PTPRO: variants seen among roughly 807,000 people sequenced by gnomAD.
PTPRO encodes receptor-type tyrosine-protein phosphatase O.
In PTPRO, 62 loss-of-function variants were observed where a neutral mutation model predicts 145.2. The ratio of observed to expected loss-of-function variants is 0.43; its 90% CI spans 0.35 to 0.53. The LOEUF is 0.53. PTPRO is among the 20% of genes least tolerant of loss of function. PTPRO has a pLI of 0.01. For synonymous variants in PTPRO, 565 were observed against 514.7 expected, an observed-to-expected ratio of 1.10 and a Z score of -1.32; for missense variants, 1,345 against 1,482.7, an observed-to-expected ratio of 0.91 and a Z score of 1.53.
intron 1 of PTPRO, among the ~76,000 whole-genome samples, chr12:15,467,663 C>T (rs11056507): frequency 0.51 from 77,316 of 152,036 alleles, 21,240 homozygotes; most frequent in Middle Eastern, 0.67. Context: ...TTAAGATTGG[C>T]TTAAAGTCTT....
At chr12:15,474,904 C>T (rs1306966265) in intron 1 of PTPRO, among the ~76,000 whole-genome samples, 1 of 152,200 alleles carries the variant, frequency 6.6e-6, no homozygotes, top group East Asian at 1.9e-4. Flanking sequence ...TTTAGGCGCA[C>T]TGCCTAGATC....
intron 17 of PTPRO, among the ~76,000 whole-genome samples, chr12:15,563,227 C>G (rs1943818654): frequency 6.6e-6 from 1 of 152,064 alleles, no homozygotes; most frequent in South Asian, 2.1e-4. Context: ...GTAGGTATGT[C>G]TGATGGGGGT....
At chr12:15,583,895 A>G (rs1201722503) in intron 23 of PTPRO, among the ~76,000 whole-genome samples, 1 of 152,100 alleles carries the variant, frequency 6.6e-6, no homozygotes, top group Non-Finnish European at 1.5e-5. Context: ...TGACCAGGAG[A>G]ATTCAGGCAA....
At chr12:15,468,930 T>C (rs951287420) in intron 1 of PTPRO, among the ~76,000 whole-genome samples, 1 of 152,234 alleles carries the variant, frequency 6.6e-6, no homozygotes, top group African/African-American at 2.4e-5. Context: ...CTATTTGCTT[T>C]AAAGTTCTGA....
chr12:15,448,648 A>G (rs1042461472), intron 1 of PTPRO, among the ~76,000 whole-genome samples: 19 of 152,158 alleles, frequency 1.2e-4, no homozygotes, highest in Non-Finnish European at 1.8e-4. Flanking sequence ...TAAAACTACC[A>G]TATAATCCAG....
intron 1 of PTPRO, among the ~76,000 whole-genome samples, chr12:15,333,033 T>A (rs889512715): frequency 6.6e-6 from 1 of 152,122 alleles, no homozygotes; most frequent in African/African-American, 2.4e-5. Flanking sequence ...CCTATTGCCA[T>A]TTTTTTCTTT....
At chr12:15,415,416 G>A (rs927289839) in intron 1 of PTPRO, among the ~76,000 whole-genome samples, 7 of 146,212 alleles carry the variant, frequency 4.8e-5, no homozygotes, top group Admixed American at 6.9e-5. Context: ...ATGGAGTCTC[G>A]CTCTGTCGCC....
chr12:15,436,187 A>C (rs1218857245), intron 1 of PTPRO, among the ~76,000 whole-genome samples: 1 of 152,226 alleles, frequency 6.6e-6, no homozygotes, highest in Non-Finnish European at 1.5e-5. Context: ...AAGATCTAAA[A>C]CTGACACCCT....
chr12:15,341,095 C>G (rs1866964633), intron 1 of PTPRO, among the ~76,000 whole-genome samples: 1 of 152,006 alleles, frequency 6.6e-6, no homozygotes, highest in Admixed American at 6.6e-5. Flanking sequence ...AAAAGCATAC[C>G]TTAAGGTAAG....
At chr12:15,326,676 G>T (rs1181377521) in intron 1 of PTPRO, among the ~76,000 whole-genome samples, 3 of 152,102 alleles carry the variant, frequency 2.0e-5, no homozygotes, top group African/African-American at 7.2e-5. Context: ...TAACTTGAGG[G>T]GTTGTAAAAG....
At chr12:15,523,477 T>G (rs2136521469) in intron 10 of PTPRO, among the ~76,000 whole-genome samples, 1 of 152,336 alleles carries the variant, frequency 6.6e-6, no homozygotes, top group East Asian at 1.9e-4. Context: ...TTTTATTTTA[T>G]TTATTTACGT....
At chr12:15,520,584 A>AT (rs1329032108) in intron 10 of PTPRO, among the ~76,000 whole-genome samples, 1 of 152,192 alleles carries the variant, frequency 6.6e-6, no homozygotes, top group Non-Finnish European at 1.5e-5. Context: ...GCTGGGATTG[A>AT]TTAGAATAGA....
At chr12:15,410,201 G>C (rs1591786679) in intron 1 of PTPRO, 1 of 152,140 alleles carries the variant, frequency 6.6e-6, no homozygotes. Context: ...TTTATGAAAC[G>C]TGCATGTCAT....
At chr12:15,510,883 A>G (rs1040393023) in intron 7 of PTPRO, among the ~76,000 whole-genome samples, 1 of 151,742 alleles carries the variant, frequency 6.6e-6, no homozygotes, top group Non-Finnish European at 1.5e-5. Flanking sequence ...AGAGTCCATC[A>G]TATACAGGTG....
intron 1 of PTPRO, among the ~76,000 whole-genome samples, chr12:15,429,701 G>A (rs1940380516): frequency 6.6e-6 from 1 of 152,124 alleles, no homozygotes; most frequent in South Asian, 2.1e-4. Context: ...AAGGGTTAGA[G>A]GCAGAGAGCA....
chr12:15,374,551 G>A (rs1160574655), intron 1 of PTPRO, among the ~76,000 whole-genome samples: 3 of 151,996 alleles, frequency 2.0e-5, no homozygotes, highest in African/African-American at 7.3e-5. Flanking sequence ...GTCCAATTTT[G>A]GAACTCCTCA....
intron 1 of PTPRO, among the ~76,000 whole-genome samples, chr12:15,413,768 T>A (rs2136316211): frequency 6.6e-6 from 1 of 152,248 alleles, no homozygotes; most frequent in South Asian, 2.1e-4. Context: ...CGAGCCAAGA[T>A]CGTGCTACGG....
At chr12:15,480,738 GATGGATGGATGGATGGATGGATGGATGC>G (rs1459888443) in intron 1 of PTPRO, among the ~76,000 whole-genome samples, 5 of 38,054 alleles carry the variant, frequency 1.3e-4, no homozygotes, top group Non-Finnish European at 3.8e-4. Context: ...TGGATGGATG[GATGGATGGATGGATGGATGGATGGATGC>G]ATGGATGGAC....
At chr12:15,397,873 G>A (rs561747498) in intron 1 of PTPRO, among the ~76,000 whole-genome samples, 27 of 152,112 alleles carry the variant, frequency 1.8e-4, no homozygotes, top group Non-Finnish European at 3.5e-4. Context: ...TCTTTTTAAG[G>A]TAGGCCTTAT....
Sources: gnomAD v4.1 joint callset for allele counts (sites outside exome capture counted in the v4.1 genomes callset) on GRCh38, gnomAD v4.1.1 for gene constraint, MANE v1.5 for transcripts, NCBI Gene and HGNC (gene_info 2026-07-23, HGNC 2026-07-21) for gene names.